Variants in KIF6 observed in about 807,000 individuals in gnomAD.
KIF6 encodes kinesin family member 6, also known as kinesin-like protein KIF6.
KIF6 carries 106 observed loss-of-function variants against 112.7 expected under a neutral mutation model. The observed-to-expected ratio is 0.94, with a 90% CI of 0.80 to 1.11. KIF6 has a LOEUF of 1.11. Ranked by LOEUF, KIF6 falls within the 50% of genes least tolerant of loss-of-function variation. KIF6 has a pLI of 0.00. For synonymous variants in KIF6, 339 were observed against 339.9 expected (o/e 1.00, Z 0.03); for missense variants, 929 against 964.0 (o/e 0.96, Z 0.48).
At chr6:39,580,748 C>G (rs534468243) in intron 9 of KIF6, among the ~76,000 whole-genome samples, 1 of 152,170 alleles carries the variant, frequency 6.6e-6, no homozygotes, top group South Asian at 2.1e-4. Flanking sequence ...ATACCTTGTA[C>G]CCACTACTTA....
At chr6:39,432,988 G>C (rs2150384101) in intron 13 of KIF6, among the ~76,000 whole-genome samples, 1 of 152,218 alleles carries the variant, frequency 6.6e-6, no homozygotes, top group African/African-American at 2.4e-5. Context: ...TGGGTGAAAG[G>C]GGTGTGGGGT....
intron 16 of KIF6, among the ~76,000 whole-genome samples, chr6:39,363,338 T>A (rs2150265216): frequency 6.6e-6 from 1 of 152,298 alleles, no homozygotes; most frequent in Middle Eastern, 3.4e-3. Flanking sequence ...ACGCAGGCCA[T>A]GTTAATTCAC....
chr6:39,346,432 C>G, intron 20 of KIF6, 44 bp downstream of exon 20: 1 of 716,750 alleles, frequency 1.4e-6, no homozygotes, highest in Non-Finnish European at 2.6e-6. Context: ...TGTGAGGATG[C>G]GTCGAGAAGA....
At chr6:39,412,321 C>G (rs1376035925) in intron 15 of KIF6, among the ~76,000 whole-genome samples, 1 of 152,222 alleles carries the variant, frequency 6.6e-6, no homozygotes, top group African/African-American at 2.4e-5. Context: ...GATACCTGAA[C>G]TGTTACAGAG....
chr6:39,554,086 CT>C, intron 10 of KIF6: 1 of 157,154 alleles, frequency 6.4e-6, no homozygotes. Flanking sequence ...TGCAATAGGG[CT>C]GGAGATTGCA....
At chr6:39,534,337 C>T (rs1035682869) in intron 13 of KIF6, among the ~76,000 whole-genome samples, 24 of 152,208 alleles carry the variant, frequency 1.6e-4, no homozygotes, top group African/African-American at 4.8e-4. Flanking sequence ...GAATGTATAA[C>T]TAGAATAACC....
intron 3 of KIF6, among the ~76,000 whole-genome samples, chr6:39,703,263 T>C (rs932099520): frequency 1.8e-4 from 27 of 151,880 alleles, no homozygotes; most frequent in Middle Eastern, 3.4e-3. Context: ...ATGATTTCAA[T>C]GAAATTGAAT....
chr6:39,422,261 G>A (rs545870593), intron 14 of KIF6, among the ~76,000 whole-genome samples: 1 of 152,286 alleles, frequency 6.6e-6, no homozygotes, highest in South Asian at 2.1e-4. Context: ...TGACAAGCCT[G>A]GGATGGAGTC....
At chr6:39,443,789 C>T (rs1392300215) in intron 13 of KIF6, among the ~76,000 whole-genome samples, 1 of 151,970 alleles carries the variant, frequency 6.6e-6, no homozygotes, top group Non-Finnish European at 1.5e-5. Flanking sequence ...TGCATTCTAG[C>T]TAAGGAGCAA....
intron 13 of KIF6, among the ~76,000 whole-genome samples, chr6:39,490,680 G>A (rs1175334234): frequency 1.3e-5 from 2 of 152,112 alleles, no homozygotes; most frequent in African/African-American, 4.8e-5. Context: ...TTAATATGGT[G>A]TATTCTAGCT....
chr6:39,427,254 AAATGTGTGGAAGG>A (rs1770836600), intron 14 of KIF6, among the ~76,000 whole-genome samples: 2 of 152,176 alleles, frequency 1.3e-5, no homozygotes, highest in South Asian at 4.1e-4. Context: ...GAATGGAAGC[AAATGTGTGGAAGG>A]GGCCCGGGTT....
At chr6:39,544,382 CT>C in intron 12 of KIF6, 172 bp downstream of exon 12, 1 of 487,778 alleles carries the variant, frequency 2.1e-6, no homozygotes. Context: ...TATAGAAACT[CT>C]TTTTCACTGG....
At chr6:39,415,911 CT>C (rs1463070296) in intron 15 of KIF6, among the ~76,000 whole-genome samples, 3 of 152,172 alleles carry the variant, frequency 2.0e-5, no homozygotes, top group Admixed American at 6.5e-5. Flanking sequence ...ATTTTGCTAG[CT>C]TTTCTAGTGT....
intron 13 of KIF6, among the ~76,000 whole-genome samples, chr6:39,510,372 G>A (rs145150640): frequency 0.019 from 2,856 of 152,154 alleles, 29 homozygotes; most frequent in South Asian, 0.03. Flanking sequence ...GATTACAGGC[G>A]TGAGCCACCA....
chr6:39,575,644 T>C (rs1780924298), intron 10 of KIF6, among the ~76,000 whole-genome samples: 2 of 152,176 alleles, frequency 1.3e-5, no homozygotes, highest in Admixed American at 1.3e-4. Flanking sequence ...TCAGAACTTC[T>C]CTGGGCTCTC....
chr6:39,704,900 A>G (rs961637548), intron 3 of KIF6, among the ~76,000 whole-genome samples: 5 of 152,242 alleles, frequency 3.3e-5, no homozygotes, highest in Non-Finnish European at 7.3e-5. Flanking sequence ...TTAAATCAAG[A>G]GTGGGTCCCT....
chr6:39,393,730 G>A (rs116114141), intron 15 of KIF6, among the ~76,000 whole-genome samples: 4,271 of 152,220 alleles, frequency 0.028, 115 homozygotes, highest in Non-Finnish European at 0.038. Context: ...CCTGGATGTG[G>A]TTGGGAGGAG....
chr6:39,582,995 C>A (rs1331662477), intron 9 of KIF6, among the ~76,000 whole-genome samples: 2 of 152,296 alleles, frequency 1.3e-5, no homozygotes, highest in East Asian at 3.9e-4. Context: ...AACATTTGTT[C>A]AATTATCAGC....
intron 5 of KIF6, among the ~76,000 whole-genome samples, chr6:39,614,325 A>T (rs1378174254): frequency 3.9e-5 from 6 of 152,238 alleles, no homozygotes; most frequent in Non-Finnish European, 5.9e-5. Flanking sequence ...CGTTTAAAAC[A>T]TTTGGAATTG....
Sources: gnomAD v4.1 joint callset for allele counts (sites outside exome capture counted in the v4.1 genomes callset) on GRCh38, gnomAD v4.1.1 for gene constraint, MANE v1.5 for transcripts, NCBI Gene and HGNC (gene_info 2026-07-23, HGNC 2026-07-21) for gene names.